Variants in EVI5L observed in about 807,000 individuals in gnomAD.
EVI5L encodes ecotropic viral integration site 5 like.
In EVI5L, 30 loss-of-function variants were observed where a neutral mutation model predicts 106.1. The observed-to-expected ratio is 0.28, with a 90% CI of 0.21 to 0.38. The LOEUF (loss-of-function observed/expected upper bound fraction) is 0.38, where lower values mean the gene tolerates loss of function less well. Among genes scored for constraint, EVI5L ranks in the 10% least tolerant of loss-of-function variants. The pLI, the probability that EVI5L is intolerant of heterozygous loss-of-function variation, is 1.00. For missense variants in EVI5L, 809 were observed against 1,098.0 expected, an observed-to-expected ratio of 0.74 and a Z score of 3.72; for synonymous variants, 489 against 483.3, an observed-to-expected ratio of 1.01 and a Z score of -0.15.
intron 8 of EVI5L, among the ~76,000 whole-genome samples, chr19:7,852,297 C>T (rs1979290277): frequency 6.6e-6 from 1 of 152,222 alleles, no homozygotes. Context: ...GCTGGTGCTT[C>T]AGGGAAGAAT....
At chr19:7,847,671 C>G in intron 2 of EVI5L, 61 bp from the exon 3 acceptor site, 1 of 1,564,954 alleles carries the variant, frequency 6.4e-7, no homozygotes, top group Admixed American at 2.0e-5. Flanking sequence ...GGGCTGGGCT[C>G]GCCAAGGATC....
chr19:7,862,673 G>T (rs1309188906), intron 17 of EVI5L, 139 bp downstream of exon 17: 1 of 590,620 alleles, frequency 1.7e-6, no homozygotes, highest in South Asian at 4.7e-5. Context: ...GCCCCCGCCC[G>T]CGGCCCCGCC....
At chr19:7,862,741 C>CCA (rs1263538368) in intron 17 of EVI5L, among the ~76,000 whole-genome samples, 7 of 68,814 alleles carry the variant, frequency 1.0e-4, no homozygotes, top group East Asian at 5.3e-4. Context: ...CTCCTGACCA[C>CCA]CCCCCCCCGC....
chr19:7,853,297 G>T lies in EVI5L; in HGVS notation c.1110G>T (p.Met370Ile). The T allele has an allele frequency of 6.2e-7, 1 of 1,613,506 alleles. No individual in the cohort carries two copies. The highest frequency in any genetic ancestry group is 8.5e-7 in the Non-Finnish European group (1 of 1,179,778). The change falls in exon 10 of 20, where the codon ATG becomes ATT. Residue 370 changes from methionine to isoleucine, a missense_variant. Met to Ile is a conservative substitution (Grantham distance 10). This residue lies in a region of EVI5L where 357 missense variants were observed against 588.1 expected (regional missense o/e 0.61). Coordinates refer to ENST00000538904, the MANE Select transcript of EVI5L (RefSeq NM_001159944.3). Reference protein sequence around the residue: ...MKRLEKEYAAMKSKEMEEQIE... With the variant: ...MKRLEKEYAAIKSKEMEEQIE... The stretch of plus-strand genomic sequence containing the variant: ...GGCTGGAGAAGGAGTACGCAGCCAT[G>T]AAGAGCAAGGAGATGGAGGAGCAGA...
intron 1 of EVI5L, among the ~76,000 whole-genome samples, chr19:7,833,841 C>T (rs909031762): frequency 1.8e-4 from 28 of 152,168 alleles, no homozygotes; most frequent in Non-Finnish European, 3.1e-4. Flanking sequence ...GACTGCAGCA[C>T]ACACATGCTA....
intron 1 of EVI5L, among the ~76,000 whole-genome samples, chr19:7,833,105 G>A (rs1277343721): frequency 6.6e-6 from 1 of 152,222 alleles, no homozygotes; most frequent in Non-Finnish European, 1.5e-5. Flanking sequence ...TCAGTGATAC[G>A]AACGCAGTTT....
rs1979840583 is a variant in EVI5L at position 7,862,256 on chromosome 19, C to T, written c.1779C>T (p.Arg593=). The change falls in exon 16 of 20, where the codon CGC becomes CGT. Residue 593 remains arginine, a synonymous_variant. Coordinates refer to ENST00000538904, the MANE Select transcript of EVI5L (RefSeq NM_001159944.3). ...ALAEGRELRQ[R]VVELETQDHI... The stretch of plus-strand genomic sequence containing the variant: ...CCGAGGGCCGCGAGCTGCGGCAGCG[C>T]GTGGTGGAACTTGAGACGCAGGTGG... 3 of 1,577,938 alleles carry T rather than the reference C, an allele frequency of 1.9e-6. No individual in the cohort carries two copies. Among genetic ancestry groups the T allele is most frequent in the East Asian group, 2.3e-5 (1 of 43,340 alleles).
Position 7,835,954 on chromosome 19 carries a change from G to A in EVI5L, c.-48+5573G>A, listed in dbSNP as rs1044892070. On this transcript the variant is annotated intron_variant, in intron 1 of 19. Transcript: ENST00000538904. The surrounding 1 kb of genome is among the most constrained non-coding windows in gnomAD (Gnocchi z 4.1). Reference sequence around the variant, plus strand: ...ATGGAGGAATCAGAAATGGGGGGTAGGGCCGGGCGTGGTGGCTCACACCTG... The same window carrying A: ...ATGGAGGAATCAGAAATGGGGGGTAAGGCCGGGCGTGGTGGCTCACACCTG... 6.6e-5 allele frequency among the ~76,000 whole-genome samples: 10 copies of A among 151,962 alleles called. No individual in the cohort carries two copies. The highest frequency in any genetic ancestry group is 2.6e-4 in the Admixed American group (4 of 15,250).
In EVI5L at chr19:7,851,729, C is replaced by G. The variant is rs563349074; in HGVS notation, c.946C>G (p.Gln316Glu). 8 of 1,538,540 alleles carry G rather than the reference C, an allele frequency of 5.2e-6. No homozygotes were observed. The highest frequency in any genetic ancestry group is 2.4e-5 in the East Asian group (1 of 41,650). ...GGGCCTCGCCCTGCTGCAGGTGAAC[C>G]AGGCAGAGCTGATGCAGCTGGACAT... ...RVGLALLQVNQAELMQLDMEG... is the reference protein window; with the variant it reads ...RVGLALLQVNEAELMQLDMEG... The change falls in exon 8 of 20, where the codon CAG becomes GAG. Residue 316 changes from glutamine to glutamate, a missense_variant. Gln to Glu is a conservative substitution (Grantham distance 29). Around this residue, in one of 2 missense-constraint regions of EVI5L, gnomAD observed 357 missense variants for 588.1 expected, o/e 0.61. Coordinates refer to ENST00000538904, the MANE Select transcript of EVI5L (RefSeq NM_001159944.3).
chr19:7,833,668 G>A (rs1465080798), intron 1 of EVI5L, among the ~76,000 whole-genome samples: 1 of 152,198 alleles, frequency 6.6e-6, no homozygotes, highest in African/African-American at 2.4e-5. Flanking sequence ...GGTGCGCTCA[G>A]GGAGGCGTGT....
At position 7,830,248 on chromosome 19, in the gene EVI5L, G is replaced by C. The variant is rs997913705; in HGVS notation, c.-181G>C. ...CGGGTGAAATGGCAGCGGCGGAGCC[G>C]GCGGCGGCCGCGGTCCCGGGGGGCG... On this transcript the variant is annotated 5_prime_UTR_variant, in exon 1 of 20. Coordinates refer to ENST00000538904, the MANE Select transcript of EVI5L (RefSeq NM_001159944.3). 2.6e-5 allele frequency: 4 copies of C among 152,126 alleles called. No individual in the cohort carries two copies. The highest frequency in any genetic ancestry group is 9.7e-5 in the African/African-American group (4 of 41,330). The allele number at this position is 152,126 out of a possible 1,614,324, so 9.4% of individuals were successfully genotyped here.
intron 13 of EVI5L, among the ~76,000 whole-genome samples, chr19:7,859,634 A>G (rs1979703254): frequency 6.6e-6 from 1 of 152,218 alleles, no homozygotes; most frequent in Admixed American, 6.5e-5. Flanking sequence ...CAGCATGGAC[A>G]TTAGGGAAAC....
intron 2 of EVI5L, 39 bp downstream of exon 2, chr19:7,846,718 T>A (rs1182917212): frequency 1.2e-6 from 2 of 1,600,138 alleles, no homozygotes; most frequent in Non-Finnish European, 1.7e-6. Context: ...AATCTTGGGG[T>A]GCAGTCTGGG....
intron 6 of EVI5L, among the ~76,000 whole-genome samples, chr19:7,851,031 G>T (rs976228458): frequency 6.6e-6 from 1 of 150,742 alleles, no homozygotes; most frequent in Non-Finnish European, 1.5e-5. Flanking sequence ...TGGGGGGGGG[G>T]CTCCCCCCAG....
In EVI5L at chr19:7,854,029, C is replaced by G. The variant is rs891211483; in HGVS notation, c.1146+696C>G. ...GGGCGCGATGGCTCATGCATGTAAT[C>G]CCAGCACTTTGGGAGGCGGAGGCAG... On this transcript the variant is annotated intron_variant, in intron 10 of 19. Transcript: ENST00000538904. Among the ~76,000 whole-genome samples, 17 of 152,148 alleles carry G rather than the reference C, an allele frequency of 1.1e-4. 2 individuals are homozygous for G. The highest frequency in any genetic ancestry group is 1.3e-4 in the Admixed American group (2 of 15,278).
chr19:7,863,278 G>A lies in EVI5L; in HGVS notation c.2137G>A (p.Glu713Lys), dbSNP rs753509705. Residue 713 changes from glutamate to lysine, a missense_variant and splice_region_variant, in exon 19 of 20, where the codon GAG becomes AAG. Transcript: ENST00000538904. The surrounding 1 kb of genome is among the most constrained non-coding windows in gnomAD (Gnocchi z 7.7). ...GGACCAGATCGAGGAGCTGAAGGCC[G>A]AGGTGAGCCGGCGCGGGGATGCCGG... The part of the protein sequence containing the change: ...LKDQIEELKA[E>K]VRLLKGPPPF... 15 of 1,554,830 alleles carry A rather than the reference G, an allele frequency of 9.6e-6. No homozygotes were observed. The African/African-American group carries it at 1.9e-4, about 20-fold the overall frequency.
rs889314727 is a variant in EVI5L at position 7,857,101 on chromosome 19, G to T, written c.1210G>T (p.Ala404Ser). ...CCCCTTCGCCGGGTAGGAGAGCGCTGCTCTGGCTGATAGGTTAATCCAGGT... is the reference window on the plus strand; with the variant it reads ...CCCCTTCGCCGGGTAGGAGAGCGCTTCTCTGGCTGATAGGTTAATCCAGGT... ...RIETLEKESA[A>S]LADRLIQGQV... Residue 404 changes from alanine (A) to serine (S), a missense_variant, in exon 12 of 20, where the codon GCT (alanine) becomes TCT (serine). Coordinates refer to ENST00000538904, the MANE Select transcript of EVI5L (RefSeq NM_001159944.3). The surrounding 1 kb of genome is among the most constrained non-coding windows in gnomAD (Gnocchi z 4.5). 4.5e-6 allele frequency: 7 copies of T among 1,551,808 alleles called. No homozygotes were observed. The highest frequency in any genetic ancestry group is 6.1e-6 in the Non-Finnish European group (7 of 1,147,014).
At chr19:7,843,798 G>T (rs1383513656) in intron 1 of EVI5L, among the ~76,000 whole-genome samples, 3 of 151,956 alleles carry the variant, frequency 2.0e-5, no homozygotes, top group Non-Finnish European at 4.4e-5. Flanking sequence ...GAGTGGGGTG[G>T]CTGTGAAGAG....
intron 17 of EVI5L, 58 bp from the exon 18 acceptor site, chr19:7,862,914 C>T (rs1979912916): frequency 1.5e-6 from 2 of 1,296,280 alleles, no homozygotes; most frequent in Non-Finnish European, 2.1e-6. Context: ...CGGTCCCGCC[C>T]CCTGATGCGC....
Sources: allele counts gnomAD v4.1 joint callset (sites outside exome capture counted in the v4.1 genomes callset), GRCh38; gene constraint gnomAD v4.1.1; regional missense constraint gnomAD v4.1.1; non-coding constraint Gnocchi (gnomAD v3.1); transcripts MANE v1.5; gene names NCBI Gene and HGNC (gene_info 2026-07-23, HGNC 2026-07-21).